The following SYCP2 variants were observed in gnomAD, a reference collection of about 807,000 sequenced individuals.
SYCP2 encodes the protein synaptonemal complex protein 2, also known as synaptonemal complex lateral element protein.
Under a neutral mutation model 211.3 loss-of-function variants are expected in SYCP2, and 55 were observed. The observed-to-expected ratio is 0.26, with a 90% CI of 0.21 to 0.33. The LOEUF (loss-of-function observed/expected upper bound fraction) is 0.33, where lower values mean the gene tolerates loss of function less well. Among genes scored for constraint, SYCP2 ranks in the 10% least tolerant of loss-of-function variants. The probability of loss-of-function intolerance (pLI) is 1.00; values close to 1 mark genes in which losing one functional copy is unlikely to be tolerated. For synonymous variants in SYCP2, 570 were observed against 555.2 expected (o/e 1.03, Z -0.37); for missense variants, 1,731 against 1,752.0 (o/e 0.99, Z 0.21).
chr20:59,874,797 C>A (rs1276194617), intron 34 of SYCP2, among the ~76,000 whole-genome samples: 1 of 151,954 alleles, frequency 6.6e-6, no homozygotes, highest in East Asian at 1.9e-4. Context: ...ATGAATTTTT[C>A]TTTAGCAATC....
chr20:59,871,772 G>C (rs2059456422), intron 35 of SYCP2, among the ~76,000 whole-genome samples: 1 of 151,756 alleles, frequency 6.6e-6, no homozygotes, highest in African/African-American at 2.4e-5. Flanking sequence ...CTAATACAAT[G>C]TAAATACTCT....
At position 59,893,163 on chromosome 20, in the gene SYCP2, G is replaced by T. The variant is rs146629536; in HGVS notation, c.1772C>A (p.Ala591Glu). Residue 591 changes from alanine (A) to glutamate (E), a missense_variant, in exon 22 of 45, where the codon GCG becomes GAG. Ala to Glu is a moderately radical substitution (Grantham distance 107). Coordinates refer to ENST00000357552, the MANE Select transcript of SYCP2 (RefSeq NM_014258.4). ...LQDVIPDSQA[A>E]EKRDHTILPG... Reference sequence around the variant, plus strand: ...TTACATAGTATGATCTCTTTTTTCCGCTGCCTGTGAATCTGGTATAACATC... The same window carrying T: ...TTACATAGTATGATCTCTTTTTTCCTCTGCCTGTGAATCTGGTATAACATC... The T allele has an allele frequency of 1.2e-6, 2 of 1,600,638 alleles. No homozygotes were observed. Among genetic ancestry groups the T allele is most frequent in the East Asian group, 2.2e-5 (1 of 44,462 alleles).
At chr20:59,887,099 C>T (rs945307357) in intron 24 of SYCP2, among the ~76,000 whole-genome samples, 1 of 151,944 alleles carries the variant, frequency 6.6e-6, no homozygotes, top group Non-Finnish European at 1.5e-5. Flanking sequence ...TGTGCTGCAC[C>T]CATTAACTCG....
chr20:59,903,500 G>C (rs1357373519), intron 15 of SYCP2, among the ~76,000 whole-genome samples: 3 of 152,072 alleles, frequency 2.0e-5, no homozygotes, highest in Non-Finnish European at 4.4e-5. Flanking sequence ...GAGGTACTGA[G>C]AGAGAGGAGG....
In SYCP2 at chr20:59,901,893, GATTA is replaced by G. The variant is rs2060122684; in HGVS notation, c.1034-87_1034-84del. Reference sequence around the variant, plus strand: ...CTATAAATAAGACATGGATGTAGCAGATTAATTGAATCAAAATTCAAATTCTCAA... The same window carrying G: ...CTATAAATAAGACATGGATGTAGCAGATTGAATCAAAATTCAAATTCTCAA... On this transcript the variant is annotated intron_variant, in intron 15 of 44. Coordinates refer to ENST00000357552, the MANE Select transcript of SYCP2 (RefSeq NM_014258.4). The G allele has an allele frequency of 4.5e-6, 5 of 1,109,926 alleles. No homozygotes were observed. In the South Asian group the frequency reaches 1.1e-4, roughly 24 times the overall value. The allele number at this position is 1,109,926 out of a possible 1,614,324, so 68.8% of individuals were successfully genotyped here. A position where few individuals can be genotyped will look rare whatever the true frequency, so the allele number is the denominator to read the frequency against.
intron 22 of SYCP2, 61 bp from the exon 23 acceptor site, chr20:59,892,762 G>A: frequency 2.0e-6 from 3 of 1,475,052 alleles, no homozygotes; most frequent in South Asian, 1.4e-5. Context: ...TTAAGACCTT[G>A]ATTTTTAATG....
chr20:59,877,611 A>C, intron 32 of SYCP2, 56 bp from the exon 33 acceptor site: 1 of 1,458,552 alleles, frequency 6.9e-7, no homozygotes, highest in Non-Finnish European at 9.3e-7. Context: ...AAGAAATACA[A>C]GCAATTTGCT....
chr20:59,908,370 T>G (rs774082949), intron 14 of SYCP2, among the ~76,000 whole-genome samples: 1 of 152,136 alleles, frequency 6.6e-6, no homozygotes, highest in African/African-American at 2.4e-5. Flanking sequence ...TTCCCTTCTC[T>G]CCTATACCTT....
At chr20:59,869,254 A>G (rs1014698401) in intron 36 of SYCP2, among the ~76,000 whole-genome samples, 1 of 151,720 alleles carries the variant, frequency 6.6e-6, no homozygotes, top group African/African-American at 2.4e-5. Context: ...TTCAAACCAC[A>G]TCTTTCACAT....
intron 24 of SYCP2, among the ~76,000 whole-genome samples, chr20:59,891,386 G>C (rs780045962): frequency 6.6e-6 from 1 of 151,956 alleles, no homozygotes; most frequent in South Asian, 2.1e-4. Context: ...TGGCAAAGTA[G>C]CTAAAAATGT....
At chr20:59,918,061 G>A (rs1203115745) in intron 7 of SYCP2, among the ~76,000 whole-genome samples, 2 of 152,284 alleles carry the variant, frequency 1.3e-5, no homozygotes, top group East Asian at 3.9e-4. Context: ...AGCAGAAGCT[G>A]AGTATTCTGA....
In SYCP2 at chr20:59,921,471, A is replaced by G. The variant is rs765967924; in HGVS notation, c.25-18T>C. 6.3e-7 allele frequency: 1 copy of G among 1,587,282 alleles called. No homozygotes were observed. ...TCCAACTGCTAGAGAAATATATTTA[A>G]TGGCACATACTGTATCAAAACCAAA... On this transcript the variant is annotated intron_variant, in intron 3 of 44. Coordinates refer to ENST00000357552, the MANE Select transcript of SYCP2 (RefSeq NM_014258.4).
chr20:59,902,680 C>G (rs905583110), intron 15 of SYCP2, among the ~76,000 whole-genome samples: 33 of 152,104 alleles, frequency 2.2e-4, no homozygotes, highest in African/African-American at 6.5e-4. Context: ...TCTTATGAGG[C>G]CTGCCCAAGC....
Position 59,881,897 on chromosome 20 carries a change from C to T in SYCP2, c.2658+48G>A, listed in dbSNP as rs745748745. 3.0e-5 allele frequency: 43 copies of T among 1,448,060 alleles called. No individual in the cohort carries two copies. In the Admixed American group the frequency reaches 7.0e-4, roughly 24 times the overall value. The allele number at this position is 1,448,060 out of a possible 1,614,324, so 89.7% of individuals were successfully genotyped here. A position where few individuals can be genotyped will look rare whatever the true frequency, so the allele number is the denominator to read the frequency against. ...CTATGTAATAACTGCATGGTAAATG[C>T]AATGTAACTTCTGAGTAAATACAAA... On this transcript the variant is annotated intron_variant, in intron 28 of 44. Coordinates refer to ENST00000357552, the MANE Select transcript of SYCP2 (RefSeq NM_014258.4).
chr20:59,930,767 T>TA (rs1268355921), intron 2 of SYCP2, among the ~76,000 whole-genome samples: 2 of 152,204 alleles, frequency 1.3e-5, no homozygotes, highest in Non-Finnish European at 2.9e-5. Flanking sequence ...CCGGTGTTAT[T>TA]AAAATTTTTT....
chr20:59,867,043 A>AAAAAAAAAAG, intron 39 of SYCP2, among the ~76,000 whole-genome samples: 1 of 130,202 alleles, frequency 7.7e-6, no homozygotes, highest in Non-Finnish European at 1.7e-5. Flanking sequence ...AAAGAAACAG[A>AAAAAAAAAAG]AAAAACAAGC....
chr20:59,898,012 G>A (rs150672513), intron 18 of SYCP2, among the ~76,000 whole-genome samples: 4,124 of 152,268 alleles, frequency 0.027, 189 homozygotes, highest in African/African-American at 0.092. Context: ...TCTGAGGCAG[G>A]AGAATCACTT....
chr20:59,882,592 T>C lies in SYCP2; in HGVS notation c.2530-427A>G, dbSNP rs189424362. ...ATGTGTATATACAACGAAATATTAT[T>C]CAGCAATAAAAAAAGAATGAAATCC... On this transcript the variant is annotated intron_variant, in intron 26 of 44. Transcript: ENST00000357552. Among the ~76,000 whole-genome samples, 69 of 152,158 alleles carry C rather than the reference T, an allele frequency of 4.5e-4. 1 individual carries two copies. The highest frequency in any genetic ancestry group is 6.0e-4 in the Non-Finnish European group (41 of 67,986).
chr20:59,892,120 A>G lies in SYCP2; in HGVS notation c.2234T>C (p.Leu745Ser), dbSNP rs1749606411. 1 of 1,612,248 alleles carries G rather than the reference A, an allele frequency of 6.2e-7. No homozygotes were observed. The highest frequency in any genetic ancestry group is 1.3e-5 in the African/African-American group (1 of 74,900). Residue 745 changes from leucine (L) to serine (S), a missense_variant, in exon 24 of 45, where the codon TTG (leucine) becomes TCG (serine). By Grantham distance (145) the Leu-to-Ser change is moderately radical. This residue lies in a region of SYCP2 where 1,387 missense variants were observed against 1,351.3 expected (regional missense o/e 1.03). Transcript: ENST00000357552. ...ESLIYRKKYI[L>S]SKDVNTATCD... Reference sequence around the variant, plus strand: ...AGTAGCAGTATTCACATCTTTTGACAATATGTATTTCTTCCTATATATCAG... The same window carrying G: ...AGTAGCAGTATTCACATCTTTTGACGATATGTATTTCTTCCTATATATCAG...
Sources: allele counts gnomAD v4.1 joint callset (sites outside exome capture counted in the v4.1 genomes callset), GRCh38; gene constraint gnomAD v4.1.1; regional missense constraint gnomAD v4.1.1; transcripts MANE v1.5; gene names NCBI Gene and HGNC (gene_info 2026-07-23, HGNC 2026-07-21).